The following ADAMTS17 variants were observed in gnomAD, a reference collection of about 807,000 sequenced individuals.
The protein encoded by ADAMTS17 is ADAM metallopeptidase with thrombospondin type 1 motif 17.
ADAMTS17 carries 113 observed loss-of-function variants against 141.5 expected under a neutral mutation model. The ratio of observed to expected loss-of-function variants is 0.80; its 90% CI spans 0.69 to 0.93. The LOEUF (loss-of-function observed/expected upper bound fraction) is 0.93, where lower values mean the gene tolerates loss of function less well. Among genes scored for constraint, ADAMTS17 ranks in the 40% least tolerant of loss-of-function variants. The pLI is 0.00. For missense variants in ADAMTS17, 1,659 were observed against 1,517.9 expected (o/e 1.09, Z -1.54); for synonymous variants, 768 against 630.6 (o/e 1.22, Z -3.27).
chr15:100,117,790 C>T (rs991749790), intron 12 of ADAMTS17, among the ~76,000 whole-genome samples: 2 of 152,166 alleles, frequency 1.3e-5, no homozygotes, highest in South Asian at 2.1e-4. Flanking sequence ...TTCCATGATG[C>T]CAAGGTCATC....
Position 100,229,946 on chromosome 15 carries a change from C to T in ADAMTS17, c.1075+24190G>A, listed in dbSNP as rs73478075. Among the ~76,000 whole-genome samples the T allele has an allele frequency of 1.9e-3, 283 of 152,294 alleles. 3 individuals carry two copies. The highest frequency in any genetic ancestry group is 6.4e-3 in the African/African-American group (266 of 41,576). On this transcript the variant is annotated intron_variant, in intron 7 of 21. Transcript: ENST00000268070. ...CTGAGATGATCAGTGCAGGGAAAGC[C>T]TGCCTGTGTTGGCCTCCCTCACAGC... is the stretch of plus-strand genomic sequence containing the variant.
intron 9 of ADAMTS17, 58 bp from the exon 10 acceptor site, chr15:100,152,820 TC>T: frequency 2.6e-6 from 4 of 1,531,934 alleles, no homozygotes; most frequent in South Asian, 2.4e-5. Context: ...TTTTTTGTTT[TC>T]TTTTTCTTTT....
chr15:100,071,294 G>T (rs1027117387), intron 15 of ADAMTS17, among the ~76,000 whole-genome samples: 4 of 149,988 alleles, frequency 2.7e-5, no homozygotes, highest in African/African-American at 9.9e-5. Context: ...TGGATTCACA[G>T]CCGAATTCTA....
At chr15:100,140,505 A>ATC (rs1352594137) in intron 10 of ADAMTS17, among the ~76,000 whole-genome samples, 3 of 148,220 alleles carry the variant, frequency 2.0e-5, no homozygotes, top group Non-Finnish European at 4.5e-5. Flanking sequence ...ATATATATAT[A>ATC]TATCCAGTAA....
At position 99,986,831 on chromosome 15, in the gene ADAMTS17, T is replaced by A. The variant is rs114194565; in HGVS notation, c.2949+6217A>T. On this transcript the variant is annotated intron_variant, in intron 20 of 21. Transcript: ENST00000268070. ...ATACATAGACCCGGCATTCAGTGGG[T>A]GAAAACAACGATCAGCATTGTTTTC... Among the ~76,000 whole-genome samples, 1,379 of 152,240 alleles carry A rather than the reference T, an allele frequency of 9.1e-3. 24 individuals carry two copies. The highest frequency in any genetic ancestry group is 0.032 in the African/African-American group (1,310 of 41,544).
intron 8 of ADAMTS17, among the ~76,000 whole-genome samples, chr15:100,165,741 G>A (rs1294854884): frequency 6.6e-6 from 1 of 152,146 alleles, no homozygotes; most frequent in Non-Finnish European, 1.5e-5. Flanking sequence ...CATAATGATG[G>A]AATAAGAATA....
chr15:100,001,384 G>T (rs1331877711), intron 18 of ADAMTS17, among the ~76,000 whole-genome samples: 3 of 149,498 alleles, frequency 2.0e-5, no homozygotes, highest in African/African-American at 7.4e-5. Context: ...AAGGAAAGTG[G>T]TTGGAGCACA....
At chr15:100,216,208 G>T (rs767577528) in intron 7 of ADAMTS17, among the ~76,000 whole-genome samples, 2 of 152,196 alleles carry the variant, frequency 1.3e-5, no homozygotes, top group Non-Finnish European at 2.9e-5. Context: ...GAGAGAAGAA[G>T]CAATGTTCAG....
At chr15:100,104,550 T>C (rs1198699344) in intron 14 of ADAMTS17, among the ~76,000 whole-genome samples, 1 of 152,180 alleles carries the variant, frequency 6.6e-6, no homozygotes, top group East Asian at 1.9e-4. Context: ...AGTTACTATG[T>C]TCCTCGACAT....
At chr15:100,205,508 C>A (rs562462177) in intron 7 of ADAMTS17, among the ~76,000 whole-genome samples, 2 of 152,270 alleles carry the variant, frequency 1.3e-5, no homozygotes, top group African/African-American at 4.8e-5. Flanking sequence ...CAGGACCCAT[C>A]ACGTGGGAGG....
intron 18 of ADAMTS17, among the ~76,000 whole-genome samples, chr15:100,011,295 A>AT (rs2061165167): frequency 2.6e-4 from 1 of 3,844 alleles, no homozygotes; most frequent in Non-Finnish European, 4.7e-4. Context: ...GTAAAGGAGG[A>AT]GGGAGGGGAG....
rs185589021 is a variant in ADAMTS17 at position 100,047,430 on chromosome 15, G to A, written c.2591+1427C>T. On this transcript the variant is annotated intron_variant, in intron 18 of 21. Transcript: ENST00000268070. ...CCTAATAAAAACTTGCTGGTTTTAC[G>A]GCTTGGGGGCATCACGGAACCTGCT... is the stretch of plus-strand genomic sequence containing the variant. 3.3e-3 allele frequency among the ~76,000 whole-genome samples: 494 copies of A among 151,696 alleles called. 5 individuals are homozygous for A. The highest frequency in any genetic ancestry group is 0.011 in the African/African-American group (466 of 41,190).
At chr15:100,194,927 C>G (rs1037802179) in intron 8 of ADAMTS17, among the ~76,000 whole-genome samples, 1 of 152,210 alleles carries the variant, frequency 6.6e-6, no homozygotes, top group African/African-American at 2.4e-5. Context: ...ACGGCCACCG[C>G]AGGATGGAGA....
At chr15:100,268,131 G>C (rs939265049) in intron 4 of ADAMTS17, among the ~76,000 whole-genome samples, 2 of 84,320 alleles carry the variant, frequency 2.4e-5, no homozygotes, top group South Asian at 1.1e-3. Flanking sequence ...GACGTGAGTT[G>C]TTCTTTTTTA....
At chr15:99,985,346 G>C (rs963951867) in intron 20 of ADAMTS17, among the ~76,000 whole-genome samples, 5 of 152,220 alleles carry the variant, frequency 3.3e-5, no homozygotes, top group African/African-American at 1.2e-4. Flanking sequence ...ATGTGTCCCA[G>C]AAAAGGGCCC....
intron 8 of ADAMTS17, among the ~76,000 whole-genome samples, chr15:100,165,492 G>A (rs1430498799): frequency 6.6e-6 from 1 of 152,142 alleles, no homozygotes; most frequent in African/African-American, 2.4e-5. Context: ...TGCTTGGGAG[G>A]CTCCCATTCT....
intron 15 of ADAMTS17, among the ~76,000 whole-genome samples, chr15:100,055,711 A>C (rs892562208): frequency 2.0e-5 from 3 of 152,316 alleles, no homozygotes; most frequent in South Asian, 4.1e-4. Flanking sequence ...GGAGGTGAGA[A>C]TGTTGGGACA....
intron 18 of ADAMTS17, among the ~76,000 whole-genome samples, chr15:100,007,744 T>C (rs139793630): frequency 1.8e-3 from 271 of 152,176 alleles, no homozygotes; most frequent in African/African-American, 6.1e-3. Flanking sequence ...GTTGAGGGGC[T>C]ACCGGGTGCA....
At chr15:100,177,983 G>GT (rs1207111172) in intron 8 of ADAMTS17, among the ~76,000 whole-genome samples, 3 of 150,296 alleles carry the variant, frequency 2.0e-5, no homozygotes, top group East Asian at 2.0e-4. Context: ...AGCGATTCCT[G>GT]TTTTTTTCCC....
Sources: allele counts gnomAD v4.1 joint callset (sites outside exome capture counted in the v4.1 genomes callset), GRCh38; gene constraint gnomAD v4.1.1; transcripts MANE v1.5; gene names NCBI Gene and HGNC (gene_info 2026-07-23, HGNC 2026-07-21).